SDC2: variants seen among roughly 807,000 people sequenced by gnomAD.
The protein encoded by SDC2 is syndecan 2, also known as syndecan-2.
SDC2 carries 13 observed loss-of-function variants against 22.2 expected under a neutral mutation model. The observed-to-expected ratio is 0.59, with a 90% CI of 0.38 to 0.93. SDC2 has a LOEUF of 0.93. Among genes scored for constraint, SDC2 ranks in the 40% least tolerant of loss-of-function variants. The pLI, the probability that SDC2 is intolerant of heterozygous loss-of-function variation, is 0.00. For synonymous variants in SDC2, 94 were observed against 92.8 expected, an observed-to-expected ratio of 1.01 and a Z score of -0.07; for missense variants, 235 against 246.8, an observed-to-expected ratio of 0.95 and a Z score of 0.32.
chr8:96,494,825 G>T (rs1813024824), intron 1 of SDC2, among the ~76,000 whole-genome samples: 2 of 152,240 alleles, frequency 1.3e-5, no homozygotes, highest in African/African-American at 4.8e-5. Context: ...GTTCTGGGGA[G>T]ATGGGGGCCA....
At chr8:96,530,495 G>A (rs892710555) in intron 1 of SDC2, among the ~76,000 whole-genome samples, 2 of 152,200 alleles carry the variant, frequency 1.3e-5, no homozygotes, top group African/African-American at 2.4e-5. Flanking sequence ...TTAGCTGGAC[G>A]TGTTAGCGGG....
At chr8:96,556,541 T>C (rs1285205337) in intron 1 of SDC2, among the ~76,000 whole-genome samples, 3 of 151,928 alleles carry the variant, frequency 2.0e-5, no homozygotes, top group African/African-American at 7.3e-5. Flanking sequence ...CCCTATTTAA[T>C]AAATGGTGCT....
chr8:96,539,794 T>G lies in SDC2; in HGVS notation c.60+45463T>G, dbSNP rs115075884. On this transcript the variant is annotated intron_variant, in intron 1 of 4. Coordinates refer to ENST00000302190, the MANE Select transcript of SDC2 (RefSeq NM_002998.4). ...ATGGCATTTCTGATATTTATAGTCT[T>G]TGGTCATTCCCCTACCCAGGTTTTC... is the stretch of plus-strand genomic sequence containing the variant. Among the ~76,000 whole-genome samples, 1,316 of 152,356 alleles carry G rather than the reference T, an allele frequency of 8.6e-3. 24 individuals are homozygous for G. The highest frequency in any genetic ancestry group is 0.029 in the African/African-American group (1,197 of 41,584).
chr8:96,567,484 T>G (rs1342793093), intron 1 of SDC2, among the ~76,000 whole-genome samples: 1 of 152,170 alleles, frequency 6.6e-6, no homozygotes, highest in African/African-American at 2.4e-5. Context: ...CAATAGGTAG[T>G]TTTTCATCCC....
intron 3 of SDC2, among the ~76,000 whole-genome samples, chr8:96,604,630 C>T (rs143931811): frequency 6.6e-6 from 1 of 152,094 alleles, no homozygotes; most frequent in Non-Finnish European, 1.5e-5. Flanking sequence ...GCATTAATGT[C>T]ACTGTTACGG....
chr8:96,501,007 G>A (rs2575706), intron 1 of SDC2, among the ~76,000 whole-genome samples: 1,550 of 152,100 alleles, frequency 0.01, 18 homozygotes, highest in African/African-American at 0.035. Flanking sequence ...GCATAGTCTT[G>A]GAAAAATGGA....
At chr8:96,597,451 C>T (rs1814897043) in intron 2 of SDC2, among the ~76,000 whole-genome samples, 1 of 152,214 alleles carries the variant, frequency 6.6e-6, no homozygotes, top group Non-Finnish European at 1.5e-5. Flanking sequence ...GTGCTCAAAG[C>T]TTCTAGTCCT....
At chr8:96,577,305 T>TGATA (rs1351446744) in intron 1 of SDC2, among the ~76,000 whole-genome samples, 5 of 152,236 alleles carry the variant, frequency 3.3e-5, no homozygotes, top group Admixed American at 2.6e-4. Flanking sequence ...ATCTCTTGTG[T>TGATA]GATTCATCTA....
chr8:96,503,538 A>G (rs1463359511), intron 1 of SDC2, among the ~76,000 whole-genome samples: 1 of 152,144 alleles, frequency 6.6e-6, no homozygotes, highest in Non-Finnish European at 1.5e-5. Context: ...CACATACACA[A>G]ACATACACAG....
At chr8:96,551,945 G>A (rs948939131) in intron 1 of SDC2, among the ~76,000 whole-genome samples, 4 of 152,162 alleles carry the variant, frequency 2.6e-5, no homozygotes, top group African/African-American at 9.6e-5. Context: ...TGGGGGCAGG[G>A]TATGTATCCC....
chr8:96,514,434 G>T (rs541133080), intron 1 of SDC2, among the ~76,000 whole-genome samples: 35 of 152,154 alleles, frequency 2.3e-4, no homozygotes, highest in Non-Finnish European at 5.9e-5. Flanking sequence ...TCACTTATCC[G>T]CACTTTGACC....
intron 1 of SDC2, among the ~76,000 whole-genome samples, chr8:96,533,536 A>G (rs1428816446): frequency 6.6e-6 from 1 of 151,392 alleles, no homozygotes; most frequent in Non-Finnish European, 1.5e-5. Flanking sequence ...GCTAGACGTA[A>G]AGGTTCTCCA....
At chr8:96,605,374 G>T (rs955104684) in intron 3 of SDC2, among the ~76,000 whole-genome samples, 8 of 152,152 alleles carry the variant, frequency 5.3e-5, no homozygotes, top group African/African-American at 1.9e-4. Context: ...CAGTGAAAAG[G>T]TCTCTAGACT....
chr8:96,578,885 C>T (rs780504574), intron 1 of SDC2, among the ~76,000 whole-genome samples: 42 of 152,294 alleles, frequency 2.8e-4, no homozygotes, highest in Non-Finnish European at 4.6e-4. Flanking sequence ...AATTAAACTT[C>T]CCAACTAATA....
intron 1 of SDC2, among the ~76,000 whole-genome samples, chr8:96,507,801 G>C (rs1204089028): frequency 6.6e-6 from 1 of 152,216 alleles, no homozygotes; most frequent in East Asian, 1.9e-4. Flanking sequence ...AGCCCAGGTA[G>C]AAGTGCTTTT....
At chr8:96,517,055 C>T (rs1247358199) in intron 1 of SDC2, among the ~76,000 whole-genome samples, 1 of 152,178 alleles carries the variant, frequency 6.6e-6, no homozygotes, top group Non-Finnish European at 1.5e-5. Flanking sequence ...TTTTACATTC[C>T]CACCAGCAGT....
intron 1 of SDC2, among the ~76,000 whole-genome samples, chr8:96,547,381 A>T (rs1813950771): frequency 6.6e-6 from 1 of 152,232 alleles, no homozygotes; most frequent in African/African-American, 2.4e-5. Context: ...TGGATCCAGA[A>T]GTCCTAATTA....
At chr8:96,581,241 A>T (rs540184238) in intron 1 of SDC2, among the ~76,000 whole-genome samples, 75 of 152,330 alleles carry the variant, frequency 4.9e-4, no homozygotes, top group African/African-American at 1.8e-3. Flanking sequence ...AGTGCTTCTT[A>T]AGTAGTATTT....
chr8:96,501,145 C>T (rs191500395), intron 1 of SDC2, among the ~76,000 whole-genome samples: 1 of 151,634 alleles, frequency 6.6e-6, no homozygotes, highest in Admixed American at 6.6e-5. Flanking sequence ...TTTATGATTA[C>T]ACAGGTATAT....
Sources: gnomAD v4.1 joint callset for allele counts (sites outside exome capture counted in the v4.1 genomes callset) on GRCh38, gnomAD v4.1.1 for gene constraint, MANE v1.5 for transcripts, NCBI Gene and HGNC (gene_info 2026-07-23, HGNC 2026-07-21) for gene names.